The following LGR4 variants were observed in gnomAD, a reference collection of about 807,000 sequenced individuals.
LGR4 encodes the protein leucine rich repeat containing G protein-coupled receptor 4.
A neutral mutation model predicts 84.8 loss-of-function variants in LGR4; 44 were observed. The observed-to-expected ratio is 0.52, with a 90% CI of 0.41 to 0.67. LGR4 has a LOEUF of 0.67. LGR4 is among the 30% of genes least tolerant of loss of function. The pLI is 0.00. For synonymous variants in LGR4, 429 were observed against 434.3 expected, an observed-to-expected ratio of 0.99 and a Z score of 0.15; for missense variants, 1,032 against 1,131.4, an observed-to-expected ratio of 0.91 and a Z score of 1.26.
At chr11:27,396,533 A>ATTATTTTTT (rs1351447624) in intron 2 of LGR4, among the ~76,000 whole-genome samples, 1 of 151,332 alleles carries the variant, frequency 6.6e-6, no homozygotes, top group African/African-American at 2.5e-5. Context: ...GTTTTTTATT[A>ATTATTTTTT]TTATTTTTTT....
intron 17 of LGR4, among the ~76,000 whole-genome samples, chr11:27,370,003 G>A (rs952494151): frequency 6.6e-6 from 1 of 152,126 alleles, no homozygotes; most frequent in Non-Finnish European, 1.5e-5. Context: ...TCATTCAGTC[G>A]CTGAACTCCA....
chr11:27,393,945 G>C lies in LGR4; in HGVS notation c.258-1427C>G, dbSNP rs950753177. ...AGGCGATTGCACTGAAGATTGGGGGGGGGGGGGGGCGCGGGAAGGGGACAG... is the reference window on the plus strand; with the variant it reads ...AGGCGATTGCACTGAAGATTGGGGGCGGGGGGGGGCGCGGGAAGGGGACAG... On this transcript the variant is annotated intron_variant, in intron 2 of 17. Coordinates refer to ENST00000379214, the MANE Select transcript of LGR4 (RefSeq NM_018490.5). Among the ~76,000 whole-genome samples the C allele has an allele frequency of 9.6e-4, 123 of 128,668 alleles. 13 individuals are homozygous for C. The highest frequency in any genetic ancestry group is 3.2e-3 in the African/African-American group (112 of 34,668). The allele number at this position is 128,668 out of a possible 152,430, so 84.4% of individuals were successfully genotyped here. A position where few individuals can be genotyped will look rare whatever the true frequency, so the allele number is the denominator to read the frequency against.
intron 1 of LGR4, among the ~76,000 whole-genome samples, chr11:27,413,804 C>T (rs990122745): frequency 1.1e-4 from 17 of 152,104 alleles, no homozygotes; most frequent in African/African-American, 3.4e-4. Context: ...ATGAAGCATA[C>T]CGAAGTCAGC....
At chr11:27,462,884 G>A (rs1286499513) in intron 1 of LGR4, among the ~76,000 whole-genome samples, 2 of 151,356 alleles carry the variant, frequency 1.3e-5, no homozygotes, top group African/African-American at 4.9e-5. Flanking sequence ...AAAAGAAAAA[G>A]AAAGGAAAAA....
At chr11:27,450,808 T>C (rs868564351) in intron 1 of LGR4, among the ~76,000 whole-genome samples, 1 of 151,828 alleles carries the variant, frequency 6.6e-6, no homozygotes, top group Non-Finnish European at 1.5e-5. Context: ...AGAAAGAAAA[T>C]TGTGCTCTCA....
intron 1 of LGR4, among the ~76,000 whole-genome samples, chr11:27,466,160 T>C (rs1565102755): frequency 6.6e-6 from 1 of 152,256 alleles, no homozygotes; most frequent in Non-Finnish European, 1.5e-5. Context: ...ATTACTTTTA[T>C]TTTTCAGAGT....
At position 27,462,932 on chromosome 11, in the gene LGR4, C is replaced by T. The variant is rs983544037; in HGVS notation, c.185+9186G>A. On this transcript the variant is annotated intron_variant, in intron 1 of 17. Coordinates refer to ENST00000379214, the MANE Select transcript of LGR4 (RefSeq NM_018490.5). ...TTGAAAATCTATTCATAAAAATATG[C>T]CTACAAAAGAAGTCTGAGGGCCTGG... Among the ~76,000 whole-genome samples the T allele has an allele frequency of 5.9e-5, 9 of 151,422 alleles. No individual in the cohort carries two copies. In the South Asian group the frequency reaches 6.3e-4, roughly 11 times the overall value.
chr11:27,426,495 C>T (rs985418209), intron 1 of LGR4, among the ~76,000 whole-genome samples: 5 of 152,108 alleles, frequency 3.3e-5, no homozygotes, highest in African/African-American at 1.2e-4. Context: ...TAACAATTTC[C>T]CCAAGCCAGC....
intron 2 of LGR4, among the ~76,000 whole-genome samples, chr11:27,406,245 C>A (rs568819888): frequency 6.6e-6 from 1 of 152,256 alleles, no homozygotes; most frequent in Admixed American, 6.5e-5. Flanking sequence ...AGTATACTAT[C>A]CCTCTCCCTT....
At chr11:27,375,282 T>C (rs1590343916) in intron 13 of LGR4, among the ~76,000 whole-genome samples, 1 of 132,758 alleles carries the variant, frequency 7.5e-6, no homozygotes, top group East Asian at 2.2e-4. Flanking sequence ...GCGACAAGAG[T>C]GAGAGACCCT....
intron 3 of LGR4, 92 bp from the exon 4 acceptor site, chr11:27,391,257 A>G: frequency 1.6e-6 from 1 of 628,518 alleles, no homozygotes; most frequent in Admixed American, 3.0e-5. Context: ...TTTTTCAAAA[A>G]ATATTTCCAA....
chr11:27,420,107 T>C (rs1863900273), intron 1 of LGR4, among the ~76,000 whole-genome samples: 1 of 152,198 alleles, frequency 6.6e-6, no homozygotes, highest in East Asian at 1.9e-4. Flanking sequence ...GTGGGTTTTT[T>C]CTTTTATAAC....
chr11:27,409,603 A>C (rs1233808236), intron 2 of LGR4, among the ~76,000 whole-genome samples: 1 of 152,108 alleles, frequency 6.6e-6, no homozygotes, highest in Non-Finnish European at 1.5e-5. Context: ...AAACTCCTTC[A>C]GAACAAGTCT....
intron 1 of LGR4, among the ~76,000 whole-genome samples, chr11:27,446,748 T>A (rs543266465): frequency 6.6e-6 from 1 of 152,246 alleles, no homozygotes; most frequent in African/African-American, 2.4e-5. Context: ...ATGTTTATTG[T>A]GGCACTATTC....
intron 3 of LGR4, 35 bp downstream of exon 3, chr11:27,392,412 A>T (rs1408305919): frequency 6.7e-7 from 1 of 1,490,932 alleles, no homozygotes; most frequent in South Asian, 1.3e-5. Context: ...GAAAATACAC[A>T]GCCAGCTGTG....
At chr11:27,383,631 C>G (rs1863139283) in intron 6 of LGR4, among the ~76,000 whole-genome samples, 1 of 152,112 alleles carries the variant, frequency 6.6e-6, no homozygotes, top group African/African-American at 2.4e-5. Context: ...ACTACATACC[C>G]TGAGCATTCT....
At chr11:27,382,403 T>C (rs1480155759) in intron 6 of LGR4, 147 bp from the exon 7 acceptor site, 1 of 592,924 alleles carries the variant, frequency 1.7e-6, no homozygotes, top group South Asian at 2.3e-5. Flanking sequence ...CAAAACCATG[T>C]AGGAGTTTAA....
intron 1 of LGR4, among the ~76,000 whole-genome samples, chr11:27,445,705 C>T (rs533581667): frequency 3.9e-5 from 6 of 152,088 alleles, no homozygotes; most frequent in South Asian, 4.1e-4. Context: ...AGTAAGACCT[C>T]GTCTCCACAG....
chr11:27,394,614 G>A (rs1328665413), intron 2 of LGR4, among the ~76,000 whole-genome samples: 1 of 152,068 alleles, frequency 6.6e-6, no homozygotes, highest in Admixed American at 6.5e-5. Context: ...TGTTGGCCAG[G>A]CTGGTTTCGA....
Sources: allele counts gnomAD v4.1 joint callset (sites outside exome capture counted in the v4.1 genomes callset), GRCh38; gene constraint gnomAD v4.1.1; transcripts MANE v1.5; gene names NCBI Gene and HGNC (gene_info 2026-07-23, HGNC 2026-07-21).